Variants in ANKIB1 observed in about 807,000 individuals in gnomAD.
The protein encoded by ANKIB1 is ankyrin repeat and IBR domain-containing protein 1.
ANKIB1 carries 43 observed loss-of-function variants against 122.1 expected under a neutral mutation model. That is an observed-to-expected ratio of 0.35 (90% CI 0.28 to 0.45). The LOEUF (loss-of-function observed/expected upper bound fraction) is 0.45, where lower values mean the gene tolerates loss of function less well. ANKIB1 is among the 20% of genes least tolerant of loss of function. The pLI, the probability that ANKIB1 is intolerant of heterozygous loss-of-function variation, is 1.00. For synonymous variants in ANKIB1, 390 were observed against 442.0 expected, an observed-to-expected ratio of 0.88 and a Z score of 1.48; for missense variants, 992 against 1,329.5, an observed-to-expected ratio of 0.75 and a Z score of 3.95.
At chr7:92,336,158 A>G (rs1164382581) in intron 5 of ANKIB1, among the ~76,000 whole-genome samples, 2 of 152,048 alleles carry the variant, frequency 1.3e-5, no homozygotes, top group African/African-American at 4.8e-5. Context: ...TATGTATTTT[A>G]AATAAACTAT....
At chr7:92,304,636 A>C (rs1053463501) in intron 2 of ANKIB1, among the ~76,000 whole-genome samples, 2 of 152,148 alleles carry the variant, frequency 1.3e-5, no homozygotes, top group Non-Finnish European at 2.9e-5. Context: ...AGCTTTAATA[A>C]TTTCTTTCTT....
intron 2 of ANKIB1, among the ~76,000 whole-genome samples, chr7:92,304,040 T>A (rs888833513): frequency 1.8e-4 from 28 of 152,062 alleles, no homozygotes; most frequent in African/African-American, 6.3e-4. Flanking sequence ...CTCCTATCCC[T>A]GTTCCAGAAT....
intron 5 of ANKIB1, among the ~76,000 whole-genome samples, chr7:92,335,949 A>G (rs890887634): frequency 2.0e-5 from 3 of 151,946 alleles, no homozygotes; most frequent in Non-Finnish European, 4.4e-5. Flanking sequence ...TTTATTCTTT[A>G]ACATGCTGCT....
At chr7:92,251,437 T>C (rs914290812) in intron 1 of ANKIB1, among the ~76,000 whole-genome samples, 2 of 152,198 alleles carry the variant, frequency 1.3e-5, no homozygotes, top group Admixed American at 6.6e-5. Flanking sequence ...AGGCAATAGG[T>C]GATTCACATT....
chr7:92,250,038 T>C (rs1462422871), intron 1 of ANKIB1, among the ~76,000 whole-genome samples: 5 of 152,206 alleles, frequency 3.3e-5, no homozygotes, highest in African/African-American at 1.2e-4. Flanking sequence ...TTTAATTCTC[T>C]AATATTGCTT....
At chr7:92,332,618 T>C (rs1803194026) in intron 5 of ANKIB1, among the ~76,000 whole-genome samples, 1 of 152,164 alleles carries the variant, frequency 6.6e-6, no homozygotes, top group South Asian at 2.1e-4. Flanking sequence ...ATTTACAAAA[T>C]ATGTGACAGG....
At chr7:92,285,717 C>CA (rs1427874721) in intron 1 of ANKIB1, among the ~76,000 whole-genome samples, 3 of 151,986 alleles carry the variant, frequency 2.0e-5, no homozygotes, top group African/African-American at 7.3e-5. Flanking sequence ...TCAGAGTAGA[C>CA]AAAATAATAG....
intron 11 of ANKIB1, among the ~76,000 whole-genome samples, chr7:92,372,020 G>C (rs1804274304): frequency 7.3e-6 from 1 of 137,626 alleles, no homozygotes; most frequent in Non-Finnish European, 1.6e-5. Flanking sequence ...TGTATCAAAT[G>C]ATTAACAAAG....
At chr7:92,391,020 A>G in intron 15 of ANKIB1, 146 bp from the exon 16 acceptor site, 2 of 517,042 alleles carry the variant, frequency 3.9e-6, no homozygotes, top group Non-Finnish European at 3.2e-6. Flanking sequence ...AATAGAAAAT[A>G]TATTACATAG....
At chr7:92,317,382 C>G (rs1308139037) in intron 3 of ANKIB1, among the ~76,000 whole-genome samples, 1 of 152,108 alleles carries the variant, frequency 6.6e-6, no homozygotes, top group African/African-American at 2.4e-5. Context: ...TACTGGTCCC[C>G]AGACCACACT....
At chr7:92,381,884 C>T (rs1804523817) in intron 11 of ANKIB1, among the ~76,000 whole-genome samples, 1 of 152,152 alleles carries the variant, frequency 6.6e-6, no homozygotes, top group Non-Finnish European at 1.5e-5. Context: ...CAAATTCACA[C>T]ATAACAATAT....
chr7:92,302,261 G>A (rs1802472631), intron 2 of ANKIB1, among the ~76,000 whole-genome samples: 1 of 152,132 alleles, frequency 6.6e-6, no homozygotes, highest in Admixed American at 6.6e-5. Context: ...ATGTATATAT[G>A]TAGGCAAAGG....
intron 1 of ANKIB1, among the ~76,000 whole-genome samples, chr7:92,252,118 A>G (rs1022767954): frequency 5.9e-5 from 9 of 152,168 alleles, no homozygotes; most frequent in Non-Finnish European, 8.8e-5. Context: ...AGTGTGTTGC[A>G]TCCAGAGGCA....
intron 2 of ANKIB1, among the ~76,000 whole-genome samples, chr7:92,306,099 A>G (rs755214154): frequency 7.6e-6 from 1 of 131,780 alleles, no homozygotes; most frequent in Non-Finnish European, 1.5e-5. Context: ...GCCTTCTTCT[A>G]TAACATCCCA....
At chr7:92,325,925 C>T (rs1346332474) in intron 4 of ANKIB1, 4 of 447,658 alleles carry the variant, frequency 8.9e-6, no homozygotes, top group African/African-American at 2.0e-5. Flanking sequence ...TTCTTTATGT[C>T]AGTACTGACT....
rs191993441 is a variant in ANKIB1 at position 92,330,960 on chromosome 7, T to C, written c.787+3060T>C. ...AAATACTTTAAATTGTGTTTCATTA[T>C]GTTAGGGTTCATAGCACCAGAAGGT... On this transcript the variant is annotated intron_variant, in intron 5 of 19. Transcript: ENST00000265742. Among the ~76,000 whole-genome samples, 4 of 152,302 alleles carry C rather than the reference T, an allele frequency of 2.6e-5. No individual in the cohort carries two copies. The East Asian group carries it at 7.7e-4, about 29-fold the overall frequency.
intron 11 of ANKIB1, among the ~76,000 whole-genome samples, chr7:92,378,280 T>C (rs1804431390): frequency 6.6e-6 from 1 of 152,076 alleles, no homozygotes; most frequent in South Asian, 2.1e-4. Context: ...GCACCCCTAA[T>C]CCACAAATTC....
At chr7:92,277,999 G>T (rs1054412929) in intron 1 of ANKIB1, among the ~76,000 whole-genome samples, 1 of 151,796 alleles carries the variant, frequency 6.6e-6, no homozygotes. Flanking sequence ...CAGGAGAATC[G>T]CTTGAACCTG....
At chr7:92,355,199 C>T (rs996837928) in intron 9 of ANKIB1, among the ~76,000 whole-genome samples, 2 of 152,172 alleles carry the variant, frequency 1.3e-5, no homozygotes, top group African/African-American at 4.8e-5. Flanking sequence ...GAAAAATTAT[C>T]TCAAGACAAT....
Sources: gnomAD v4.1 joint callset for allele counts (sites outside exome capture counted in the v4.1 genomes callset) on GRCh38, gnomAD v4.1.1 for gene constraint, MANE v1.5 for transcripts, NCBI Gene and HGNC (gene_info 2026-07-23, HGNC 2026-07-21) for gene names.